The following NBPF11 variants were observed in gnomAD, a reference collection of about 807,000 sequenced individuals.
NBPF11 encodes NBPF member 11, also known as NBPF family member NBPF11.
A neutral mutation model predicts 93.9 loss-of-function variants in NBPF11; 72 were observed. The ratio of observed to expected loss-of-function variants is 0.77; its 90% CI spans 0.63 to 0.93. The LOEUF (loss-of-function observed/expected upper bound fraction) is 0.93, where lower values mean the gene tolerates loss of function less well. Among genes scored for constraint, NBPF11 ranks in the 40% least tolerant of loss-of-function variants. NBPF11 has a pLI of 0.00. For missense variants in NBPF11, 705 were observed against 802.2 expected, an observed-to-expected ratio of 0.88 and a Z score of 1.46; for synonymous variants, 224 against 304.9, an observed-to-expected ratio of 0.73 and a Z score of 2.76.
rs1163036656 is a variant in NBPF11 at position 148,146,748 on chromosome 1, C to T, written c.-548-3062G>A. ...CCAGGTACACGGTCCTCTTCTCGCA[C>T]GGCAATGCCGTGGACCTGGGCCAGA... On this transcript the variant is annotated intron_variant, in intron 1 of 23. Transcript: ENST00000682118. 18 of 1,612,808 alleles carry T rather than the reference C, an allele frequency of 1.1e-5. No homozygotes were observed. In the South Asian group the frequency reaches 1.5e-4, roughly 14 times the overall value.
intron 4 of NBPF11, among the ~76,000 whole-genome samples, chr1:148,132,556 C>T (rs1163183103): frequency 6.7e-6 from 1 of 149,382 alleles, no homozygotes; most frequent in East Asian, 2.0e-4. Flanking sequence ...ATTAGAATTG[C>T]ATTGGATCTG....
At chr1:148,103,997 A>T (rs1209559688) in intron 23 of NBPF11, 85 bp from the exon 24 acceptor site, 11 of 1,608,708 alleles carry the variant, frequency 6.8e-6, no homozygotes, top group Non-Finnish European at 8.5e-6. Context: ...TAACATAAGG[A>T]AGTGGTTGGA....
Position 148,103,883 on chromosome 1 carries a change from A to C in NBPF11, c.*13T>G. ...CAGTGAGTCCTGTAAGACTTCAGGC[A>C]CTTCCACTTCCATCAGCACGCTGCT... is the stretch of plus-strand genomic sequence containing the variant. On this transcript the variant is annotated 3_prime_UTR_variant, in exon 24 of 24. Transcript: ENST00000682118. 1.2e-6 allele frequency: 2 copies of C among 1,611,074 alleles called. No individual in the cohort carries two copies. The highest frequency in any genetic ancestry group is 1.7e-6 in the Non-Finnish European group (2 of 1,179,240).
chr1:148,108,161 G>A (rs1435894614), intron 18 of NBPF11, among the ~76,000 whole-genome samples: 2 of 149,644 alleles, frequency 1.3e-5, no homozygotes, highest in African/African-American at 2.5e-5. Context: ...GTAGAGTGAA[G>A]GATGAAATCT....
Position 148,106,904 on chromosome 1 carries a change from C to G in NBPF11, c.2251+38G>C. On this transcript the variant is annotated intron_variant, in intron 20 of 23. Coordinates refer to ENST00000682118, the MANE Select transcript of NBPF11 (RefSeq NM_001385469.3). ...GGAATATCACCCCTATCTGGAAGGC[C>G]AGGTGGAGGCTTATCACCTTCATAG... The G allele has an allele frequency of 4.3e-6, 3 of 697,926 alleles. 1 individual carries two copies. The South Asian group carries it at 4.5e-5, about 10-fold the overall frequency. 43.2% of individuals were successfully genotyped at this position (697,926 alleles called of 1,614,324 possible).
At position 148,138,276 on chromosome 1, in the gene NBPF11, G is replaced by C. The variant is rs1271090277; in HGVS notation, c.-276-467C>G. On this transcript the variant is annotated intron_variant, in intron 2 of 23. Transcript: ENST00000682118. ...GGAATATACAATCGGGCTTTACACCGAGACATTCCATTGCCCAGGGATGAG... is the reference window on the plus strand; with the variant it reads ...GGAATATACAATCGGGCTTTACACCCAGACATTCCATTGCCCAGGGATGAG... 8.6e-5 allele frequency among the ~76,000 whole-genome samples: 13 copies of C among 151,150 alleles called. No individual in the cohort carries two copies. The East Asian group carries it at 2.2e-3, about 25-fold the overall frequency.
rs1352852309 is a variant in NBPF11, at chr1:148,143,578, C to T, written c.-440G>A. 1.3e-5 allele frequency: 3 copies of T among 231,382 alleles called. No homozygotes were observed. The highest frequency in any genetic ancestry group is 2.6e-5 in the Non-Finnish European group (3 of 114,664). 14.3% of individuals were successfully genotyped at this position (231,382 alleles called of 1,614,324 possible). A position where few individuals can be genotyped will look rare whatever the true frequency, so the allele number is the denominator to read the frequency against. ...GTGTGGAGGCCAAGAGCACACAGCA[C>T]TGAAGCTCCAGACATCCTCAGGAGA... is the stretch of plus-strand genomic sequence containing the variant. On this transcript the variant is annotated 5_prime_UTR_variant, in exon 2 of 24. It adds an upstream start codon to the 5' untranslated region. Transcript: ENST00000682118.
At chr1:148,105,791 A>AGAC (rs1663450925) in intron 21 of NBPF11, among the ~76,000 whole-genome samples, 6 of 105,298 alleles carry the variant, frequency 5.7e-5, no homozygotes, top group Non-Finnish European at 9.1e-5. Flanking sequence ...GAGAGAGAGA[A>AGAC]AACGAGCTCA....
intron 4 of NBPF11, chr1:148,129,380 G>A (rs1423820015): frequency 6.6e-6 from 1 of 150,634 alleles, no homozygotes; most frequent in African/African-American, 2.5e-5. Flanking sequence ...GAGTCGTGGC[G>A]AGGAGGACAG....
intron 1 of NBPF11, among the ~76,000 whole-genome samples, chr1:148,147,789 G>A (rs1184507809): frequency 2.0e-5 from 3 of 151,998 alleles, no homozygotes; most frequent in African/African-American, 7.3e-5. Context: ...CCCGGCAGTT[G>A]TGGGACGCTG....
rs1673243636 is a variant in NBPF11 at position 148,146,989 on chromosome 1, G to A, written c.-548-3303C>T. 8 of 1,461,548 alleles carry A rather than the reference G, an allele frequency of 5.5e-6. No homozygotes were observed. The African/African-American group carries it at 5.7e-5, about 10-fold the overall frequency. The allele number at this position is 1,461,548 out of a possible 1,614,324, so 90.5% of individuals were successfully genotyped here. A position where few individuals can be genotyped will look rare whatever the true frequency, so the allele number is the denominator to read the frequency against. On this transcript the variant is annotated intron_variant, in intron 1 of 23. Transcript: ENST00000682118. ...GAGGGGACCAGGCGGGGGGCCGGGG[G>A]GCGGGCTTCCCTGGGAGGAAGGTGG...
At chr1:148,143,097 T>G (rs1479300162) in intron 2 of NBPF11, among the ~76,000 whole-genome samples, 27 of 110,166 alleles carry the variant, frequency 2.5e-4, no homozygotes, top group African/African-American at 5.0e-4. Context: ...GAGAGAGAAA[T>G]GGGGGCAGAG....
chr1:148,122,176 G>A lies in NBPF11; in HGVS notation c.657C>T (p.Asp219=). Residue 219 remains aspartate, a synonymous_variant, in exon 9 of 24, where the codon GAC becomes GAT. Coordinates refer to ENST00000682118, the MANE Select transcript of NBPF11 (RefSeq NM_001385469.3). ...ITCSNSHGPC[D]SIQPHKNIKI... ...TGATGTTCTTGTGAGGCTGGATGGA[G>A]TCACAAGGGCCGTGGCTATTTGAAC... 6.2e-7 allele frequency: 1 copy of A among 1,612,880 alleles called. No individual in the cohort carries two copies. The highest frequency in any genetic ancestry group is 8.5e-7 in the Non-Finnish European group (1 of 1,179,512).
At position 148,103,823 on chromosome 1, in the gene NBPF11, TC is replaced by T; in HGVS notation, c.*72del. 6.2e-7 allele frequency: 1 copy of T among 1,611,682 alleles called. No individual in the cohort carries two copies. Among genetic ancestry groups the T allele is most frequent in the South Asian group, 1.1e-5 (1 of 90,988 alleles). On this transcript the variant is annotated 3_prime_UTR_variant, in exon 24 of 24. Transcript: ENST00000682118. ...GTAGTGCTGGAATGAGTCAGGTAGT[TC>T]AAAGTACATTGATGGAGTCGAATAA...
Position 148,111,829 on chromosome 1 carries a change from CA to C in NBPF11, c.1638-1289del, listed in dbSNP as rs1382613204. Among the ~76,000 whole-genome samples the C allele has an allele frequency of 1.1e-4, 17 of 151,378 alleles. 1 individual carries two copies. The highest frequency in any genetic ancestry group is 4.2e-4 in the African/African-American group (17 of 40,862). On this transcript the variant is annotated intron_variant, in intron 15 of 23. Coordinates refer to ENST00000682118, the MANE Select transcript of NBPF11 (RefSeq NM_001385469.3). ...TGGAACCAAGCTGGGAAACATTCTT[CA>C]GGATATTATCCAGGAGGACTTCCCC...
chr1:148,108,893 T>A (rs1332163388), intron 17 of NBPF11, among the ~76,000 whole-genome samples: 1,010 of 66,104 alleles, frequency 0.015, no homozygotes, highest in African/African-American at 0.061. Flanking sequence ...ACACACACAG[T>A]GTGAGCTCAG....
At chr1:148,108,846 C>A (rs1187052499) in intron 17 of NBPF11, among the ~76,000 whole-genome samples, 192 bp from the exon 18 acceptor site, 2 of 95,278 alleles carry the variant, frequency 2.1e-5, no homozygotes, top group Non-Finnish European at 3.8e-5. Flanking sequence ...GAGAAAGACA[C>A]ACACACACAC....
chr1:148,149,327 G>A, intron 1 of NBPF11: 12 of 1,597,090 alleles, frequency 7.5e-6, no homozygotes, highest in Non-Finnish European at 8.5e-6. Flanking sequence ...CTACTGCTTC[G>A]ACGCCTTCCC....
chr1:148,149,992 TA>T (rs1225530296), intron 1 of NBPF11, among the ~76,000 whole-genome samples: 2 of 151,728 alleles, frequency 1.3e-5, no homozygotes, highest in Non-Finnish European at 2.9e-5. Context: ...TGCTAACTGA[TA>T]AAACACTTTG....
Sources: allele counts gnomAD v4.1 joint callset (sites outside exome capture counted in the v4.1 genomes callset), GRCh38; gene constraint gnomAD v4.1.1; transcripts MANE v1.5; gene names NCBI Gene and HGNC (gene_info 2026-07-23, HGNC 2026-07-21).